SUPT5H: variants seen among roughly 807,000 people sequenced by gnomAD.
SUPT5H encodes SPT5 homolog, DSIF elongation factor subunit, also known as transcription elongation factor SPT5.
SUPT5H carries 24 observed loss-of-function variants against 142.5 expected under a neutral mutation model. That is an observed-to-expected ratio of 0.17 (90% CI 0.12 to 0.24). SUPT5H has a LOEUF of 0.24. Ranked by LOEUF, SUPT5H falls within the 10% of genes least tolerant of loss-of-function variation. The pLI, the probability that SUPT5H is intolerant of heterozygous loss-of-function variation, is 1.00. For missense variants in SUPT5H, 893 were observed against 1,471.8 expected (o/e 0.61, Z 6.43); for synonymous variants, 546 against 553.0 (o/e 0.99, Z 0.18).
chr19:39,465,125 C>A, intron 11 of SUPT5H, 76 bp downstream of exon 11: 4 of 1,538,788 alleles, frequency 2.6e-6, no homozygotes, highest in Non-Finnish European at 3.5e-6. Flanking sequence ...GTCCTTCCCA[C>A]CCTCTTTGTG....
At chr19:39,465,203 C>T (rs531195875) in intron 11 of SUPT5H, among the ~76,000 whole-genome samples, 154 bp downstream of exon 11, 2 of 152,196 alleles carry the variant, frequency 1.3e-5, no homozygotes, top group African/African-American at 2.4e-5. Flanking sequence ...ACACAGGAAA[C>T]GGTTGGCTGT....
At position 39,471,596 on chromosome 19, in the gene SUPT5H, C is replaced by T. The variant is rs1057336673; in HGVS notation, c.1825-9C>T. On this transcript the variant is annotated splice_polypyrimidine_tract_variant and intron_variant, in intron 19 of 29. Coordinates refer to ENST00000432763, the MANE Select transcript of SUPT5H (RefSeq NM_001111020.3). Reference sequence around the variant, plus strand: ...TGGTCAAGAGAGTGACCCTTCTCTCCCCGGCTAGGGCCGAGAAGGGGAGAT... The same window carrying T: ...TGGTCAAGAGAGTGACCCTTCTCTCTCCGGCTAGGGCCGAGAAGGGGAGAT... 1.2e-6 allele frequency: 2 copies of T among 1,614,014 alleles called. No homozygotes were observed. Among genetic ancestry groups the T allele is most frequent in the African/African-American group, 2.7e-5 (2 of 74,940 alleles).
chr19:39,462,383 C>G (rs118183287), intron 10 of SUPT5H, among the ~76,000 whole-genome samples: 10,443 of 152,168 alleles, frequency 0.069, 468 homozygotes, highest in Non-Finnish European at 0.091. Flanking sequence ...AACTATGAAT[C>G]TACCTTCTTT....
At chr19:39,451,683 C>A (rs1298981819) in intron 2 of SUPT5H, among the ~76,000 whole-genome samples, 1 of 152,106 alleles carries the variant, frequency 6.6e-6, no homozygotes, top group Non-Finnish European at 1.5e-5. Flanking sequence ...AGGTGCCCAC[C>A]ACCGTGCTGG....
chr19:39,468,315 G>A (rs2079271149), intron 13 of SUPT5H: 1 of 182,954 alleles, frequency 5.5e-6, no homozygotes, highest in South Asian at 1.1e-4. Context: ...GAGCCTGTGA[G>A]GTCATGAGTG....
At chr19:39,451,138 T>C (rs2079016407) in intron 2 of SUPT5H, among the ~76,000 whole-genome samples, 1 of 151,150 alleles carries the variant, frequency 6.6e-6, no homozygotes. Flanking sequence ...GAGCGTTCCC[T>C]AATCTGAAAA....
chr19:39,456,151 AGG>A (rs2079086264), intron 3 of SUPT5H, among the ~76,000 whole-genome samples: 1 of 151,232 alleles, frequency 6.6e-6, no homozygotes, highest in African/African-American at 2.4e-5. Flanking sequence ...TCCTGACCTC[AGG>A]TGGTCCACCC....
Position 39,473,836 on chromosome 19 carries a change from G to A in SUPT5H, c.2493-127G>A. On this transcript the variant is annotated intron_variant, in intron 25 of 29. Coordinates refer to ENST00000432763, the MANE Select transcript of SUPT5H (RefSeq NM_001111020.3). This position sits in a 1 kb window ranked among gnomAD's most constrained non-coding sequence, Gnocchi z 5.8. Reference sequence around the variant, plus strand: ...CTGTGGAAGGGAAATAACATCAGGAGTGCCTCTGGATGGGGCTCCCGTGAG... The same window carrying A: ...CTGTGGAAGGGAAATAACATCAGGAATGCCTCTGGATGGGGCTCCCGTGAG... The A allele has an allele frequency of 7.8e-7, 1 of 1,286,366 alleles. No homozygotes were observed. The highest frequency in any genetic ancestry group is 1.1e-6 in the Non-Finnish European group (1 of 898,634). 79.7% of individuals were successfully genotyped at this position (1,286,366 alleles called of 1,614,324 possible).
rs749497980 is a variant in SUPT5H at position 39,476,066 on chromosome 19, GT to G, written c.3025-14del. 7 of 1,612,898 alleles carry G rather than the reference GT, an allele frequency of 4.3e-6. No individual in the cohort carries two copies. In the African/African-American group the frequency reaches 9.4e-5, roughly 22 times the overall value. On this transcript the variant is annotated splice_polypyrimidine_tract_variant and intron_variant, in intron 28 of 29. Coordinates refer to ENST00000432763, the MANE Select transcript of SUPT5H (RefSeq NM_001111020.3). The stretch of plus-strand genomic sequence containing the variant: ...GGGAGCAGGACAGGCTGACCAGGCT[GT>G]CCCCATCCTCCAGGGGGGCATGTGC...
chr19:39,452,999 T>G (rs1447196562), intron 2 of SUPT5H, among the ~76,000 whole-genome samples: 16 of 113,514 alleles, frequency 1.4e-4, no homozygotes, highest in Admixed American at 3.0e-4. Context: ...GGAGACAGAG[T>G]GGGACTCTGT....
At chr19:39,456,597 T>G (rs1347953903) in intron 3 of SUPT5H, among the ~76,000 whole-genome samples, 1 of 151,998 alleles carries the variant, frequency 6.6e-6, no homozygotes, top group Non-Finnish European at 1.5e-5. Flanking sequence ...TTTTGTATTT[T>G]TAGTAGAGAC....
chr19:39,457,815 G>T lies in SUPT5H; in HGVS notation c.307+75G>T. The T allele has an allele frequency of 1.9e-6, 3 of 1,600,450 alleles. No individual in the cohort carries two copies. The South Asian group carries it at 3.3e-5, about 18-fold the overall frequency. ...GAGGGTCTTCAGAGCCCATTCCCCCGACCCCCGCATCCCCTGTACACCCCA... is the reference window on the plus strand; with the variant it reads ...GAGGGTCTTCAGAGCCCATTCCCCCTACCCCCGCATCCCCTGTACACCCCA... On this transcript the variant is annotated intron_variant, in intron 4 of 29. Coordinates refer to ENST00000432763, the MANE Select transcript of SUPT5H (RefSeq NM_001111020.3).
intron 3 of SUPT5H, among the ~76,000 whole-genome samples, chr19:39,457,064 C>T (rs758377264): frequency 7.2e-5 from 11 of 152,344 alleles, no homozygotes; most frequent in South Asian, 4.1e-4. Context: ...CAAAGCAGTA[C>T]ATCCAACATG....
In SUPT5H at chr19:39,458,240, A is replaced by AC; in HGVS notation, c.308-52dup. The stretch of plus-strand genomic sequence containing the variant: ...ACTTTGTCTGCCCTCGCCCACCACC[A>AC]CCACCACCACCACCACCACCACCAC... On this transcript the variant is annotated intron_variant, in intron 4 of 29. Transcript: ENST00000432763. This position sits in a 1 kb window ranked among gnomAD's most constrained non-coding sequence, Gnocchi z 4.2. The AC allele has an allele frequency of 6.0e-6, 4 of 672,260 alleles. No individual in the cohort carries two copies. The highest frequency in any genetic ancestry group is 9.2e-6 in the Non-Finnish European group (4 of 436,910). 41.6% of individuals were successfully genotyped at this position (672,260 alleles called of 1,614,324 possible).
chr19:39,469,351 G>T lies in SUPT5H; in HGVS notation c.1327G>T (p.Val443Leu). The T allele has an allele frequency of 1.9e-6, 3 of 1,614,242 alleles. No homozygotes were observed. The highest frequency in any genetic ancestry group is 2.5e-6 in the Non-Finnish European group (3 of 1,180,046). Residue 443 changes from valine to leucine, a missense_variant, in exon 16 of 30, where the codon GTG becomes TTG. Around this residue, in one of 6 missense-constraint regions of SUPT5H, gnomAD observed 428 missense variants for 763.5 expected, o/e 0.56. Transcript: ENST00000432763. The surrounding 1 kb of genome is among the most constrained non-coding windows in gnomAD (Gnocchi z 5.1). The part of the protein sequence containing the change: ...LINLQGKILS[V>L]DGNKITIMPK... Reference sequence around the variant, plus strand: ...CAACCTGCAGGGCAAGATCCTCAGCGTGGATGGCAACAAGATCACCATCAT... The same window carrying T: ...CAACCTGCAGGGCAAGATCCTCAGCTTGGATGGCAACAAGATCACCATCAT...
Position 39,472,511 on chromosome 19 carries a change from T to C in SUPT5H, c.2035+18T>C. On this transcript the variant is annotated intron_variant, in intron 21 of 29. Coordinates refer to ENST00000432763, the MANE Select transcript of SUPT5H (RefSeq NM_001111020.3). This position sits in a 1 kb window ranked among gnomAD's most constrained non-coding sequence, Gnocchi z 4.2. ...TGCTGGAGGTGAGAGGGGTTCAGGG[T>C]CAGGGGATGTGGTGGGTAGAAGGGG... 1 of 1,613,160 alleles carries C rather than the reference T, an allele frequency of 6.2e-7. No homozygotes were observed.
intron 3 of SUPT5H, among the ~76,000 whole-genome samples, chr19:39,456,810 C>T (rs763438335): frequency 6.6e-5 from 10 of 152,162 alleles, no homozygotes; most frequent in Non-Finnish European, 1.2e-4. Flanking sequence ...CTTCCCACTT[C>T]GGCCTCCCAA....
chr19:39,474,682 G>A lies in SUPT5H; in HGVS notation c.2988G>A (p.Gln996=). 1 of 1,613,892 alleles carries A rather than the reference G, an allele frequency of 6.2e-7. No homozygotes were observed. The highest frequency in any genetic ancestry group is 8.5e-7 in the Non-Finnish European group (1 of 1,179,922). The change falls in exon 28 of 30, where the codon CAG becomes CAA. Residue 996 remains glutamine, a synonymous_variant. Transcript: ENST00000432763. This position sits in a 1 kb window ranked among gnomAD's most constrained non-coding sequence, Gnocchi z 6.5. ...TGCGGGACACCTACCTGGATACACA[G>A]GTGGTGGGACAGACAGGTGTCATCC... ...VKVRDTYLDT[Q]VVGQTGVIRS... is the part of the protein sequence containing the mutation.
intron 28 of SUPT5H, chr19:39,475,819 T>A: frequency 4.8e-5 from 23 of 482,540 alleles, no homozygotes; most frequent in South Asian, 2.4e-4. Context: ...TGAGGCCAGT[T>A]TGGGACATGA....
Sources: gnomAD v4.1 joint callset for allele counts (sites outside exome capture counted in the v4.1 genomes callset) on GRCh38, gnomAD v4.1.1 for gene constraint, gnomAD v4.1.1 regional missense constraint, Gnocchi (gnomAD v3.1) non-coding constraint, MANE v1.5 for transcripts, NCBI Gene and HGNC (gene_info 2026-07-23, HGNC 2026-07-21) for gene names.